The following PIWIL2 variants were observed in gnomAD, a reference collection of about 807,000 sequenced individuals.
PIWIL2 encodes piwi-like protein 2.
Under a neutral mutation model 116.5 loss-of-function variants are expected in PIWIL2, and 81 were observed. That is an observed-to-expected ratio of 0.70 (90% confidence interval 0.58 to 0.84). The LOEUF (loss-of-function observed/expected upper bound fraction) is 0.84, where lower values mean the gene tolerates loss of function less well. Among genes scored for constraint, PIWIL2 ranks in the 40% least tolerant of loss-of-function variants. The pLI is 0.00. For missense variants in PIWIL2, 1,272 were observed against 1,212.3 expected (o/e 1.05, Z -0.73); for synonymous variants, 489 against 429.5 (o/e 1.14, Z -1.71).
intron 1 of PIWIL2, chr8:22,275,753 C>G (rs1427610169): frequency 2.0e-5 from 3 of 152,392 alleles, no homozygotes; most frequent in African/African-American, 4.8e-5. Context: ...CTTCGGGGGC[C>G]TTGCTTCTGG....
At position 22,327,489 on chromosome 8, in the gene PIWIL2, T is replaced by C. The variant is rs536505265; in HGVS notation, c.2403+9214T>C. Among the ~76,000 whole-genome samples the C allele has an allele frequency of 4.0e-5, 6 of 150,794 alleles. No homozygotes were observed. The South Asian group carries it at 1.3e-3, about 32-fold the overall frequency. On this transcript the variant is annotated intron_variant, in intron 20 of 22. Transcript: ENST00000356766. ...TTGAAGCGATTCTCCTGCGTCAGCC[T>C]CCTGAGTAGCTGGGATTACAGGCAT... is the stretch of plus-strand genomic sequence containing the variant.
At chr8:22,352,313 T>C (rs1832391767) in intron 20 of PIWIL2, among the ~76,000 whole-genome samples, 1 of 152,246 alleles carries the variant, frequency 6.6e-6, no homozygotes, top group African/African-American at 2.4e-5. Flanking sequence ...GAAAAATTAT[T>C]CTTCAAATTG....
At chr8:22,349,790 G>A (rs1832314809) in intron 20 of PIWIL2, among the ~76,000 whole-genome samples, 1 of 152,194 alleles carries the variant, frequency 6.6e-6, no homozygotes, top group Non-Finnish European at 1.5e-5. Context: ...GCCCCAGGCT[G>A]GTAAATGGGC....
At chr8:22,286,567 A>T (rs1463818453) in intron 6 of PIWIL2, among the ~76,000 whole-genome samples, 1 of 152,042 alleles carries the variant, frequency 6.6e-6, no homozygotes, top group African/African-American at 2.4e-5. Context: ...GAGGAGGGAG[A>T]GTTGCTTGAG....
intron 10 of PIWIL2, among the ~76,000 whole-genome samples, chr8:22,300,431 A>C (rs1831018930): frequency 6.6e-6 from 1 of 152,144 alleles, no homozygotes; most frequent in South Asian, 2.1e-4. Flanking sequence ...GGTTCTTTCC[A>C]GCTTTTGGCT....
intron 6 of PIWIL2, among the ~76,000 whole-genome samples, chr8:22,285,797 A>G (rs779221325): frequency 6.6e-6 from 1 of 152,066 alleles, no homozygotes; most frequent in South Asian, 2.1e-4. Context: ...AAGCGCCCCC[A>G]TGCCTGGCTA....
chr8:22,356,035 T>G lies in PIWIL2; in HGVS notation c.*530T>G, dbSNP rs1248466225. ...TTGCAGTGAGCCGAGATCACGCCAC[T>G]GCACTCCAGCCTGTTGACAAAGCAA... On this transcript the variant is annotated 3_prime_UTR_variant, in exon 23 of 23. Coordinates refer to ENST00000356766, the MANE Select transcript of PIWIL2 (RefSeq NM_018068.5). 1 of 148,998 alleles carries G rather than the reference T, an allele frequency of 6.7e-6. No homozygotes were observed. The highest frequency in any genetic ancestry group is 1.5e-5 in the Non-Finnish European group (1 of 68,308). 9.2% of individuals were successfully genotyped at this position (148,998 alleles called of 1,614,324 possible).
At chr8:22,327,424 A>G (rs12542621) in intron 20 of PIWIL2, among the ~76,000 whole-genome samples, 64,362 of 147,376 alleles carry the variant, frequency 0.44, 15,704 homozygotes, top group East Asian at 0.81. Context: ...CTGGAGTGCA[A>G]TGGCGCGATC....
intron 11 of PIWIL2, 57 bp downstream of exon 11, chr8:22,304,266 T>A: frequency 9.0e-7 from 1 of 1,111,918 alleles, no homozygotes; most frequent in East Asian, 2.4e-5. Context: ...TAGTCCACGT[T>A]CTCCAGCAGA....
chr8:22,332,967 G>A lies in PIWIL2; in HGVS notation c.2403+14692G>A, dbSNP rs34677299. Among the ~76,000 whole-genome samples the A allele has an allele frequency of 5.2e-3, 798 of 152,210 alleles. 3 individuals are homozygous for A. Among genetic ancestry groups the A allele is most frequent in the Middle Eastern group, 0.01 (3 of 292 alleles). ...ATTCCATCTAAAACAAGAAAAAAAT[G>A]TCATGTGGCTATATATTTGTCTGTG... On this transcript the variant is annotated intron_variant, in intron 20 of 22. Coordinates refer to ENST00000356766, the MANE Select transcript of PIWIL2 (RefSeq NM_018068.5).
At chr8:22,287,453 G>T (rs188425271) in intron 6 of PIWIL2, 75 bp from the exon 7 acceptor site, 57 of 906,396 alleles carry the variant, frequency 6.3e-5, no homozygotes, top group African/African-American at 2.6e-4. Flanking sequence ...TGGGTAACTA[G>T]CACCTGTTGC....
chr8:22,335,716 TTTG>T (rs769033434), intron 20 of PIWIL2, among the ~76,000 whole-genome samples: 3 of 151,972 alleles, frequency 2.0e-5, no homozygotes, highest in South Asian at 2.1e-4. Context: ...CCCAGCTAAA[TTTG>T]TTGTTGTTGT....
rs1832471491 is a variant in PIWIL2 at position 22,355,577 on chromosome 8, A to G, written c.*72A>G. Reference sequence around the variant, plus strand: ...ACTCAGCTGTGACTCTTGCAGAATCAACAGAGACTGAAGTGGGCTTTTGTG... The same window carrying G: ...ACTCAGCTGTGACTCTTGCAGAATCGACAGAGACTGAAGTGGGCTTTTGTG... On this transcript the variant is annotated 3_prime_UTR_variant, in exon 23 of 23. Coordinates refer to ENST00000356766, the MANE Select transcript of PIWIL2 (RefSeq NM_018068.5). The G allele has an allele frequency of 7.3e-7, 1 of 1,370,342 alleles. No homozygotes were observed. Among genetic ancestry groups the G allele is most frequent in the Non-Finnish European group, 1.0e-6 (1 of 977,988 alleles). The allele number at this position is 1,370,342 out of a possible 1,614,324, so 84.9% of individuals were successfully genotyped here. A position where few individuals can be genotyped will look rare whatever the true frequency, so the allele number is the denominator to read the frequency against.
At chr8:22,349,378 C>G (rs1012331149) in intron 20 of PIWIL2, among the ~76,000 whole-genome samples, 18 of 147,230 alleles carry the variant, frequency 1.2e-4, no homozygotes, top group Admixed American at 6.8e-4. Flanking sequence ...TATCCTTGAT[C>G]TAGCTCGGTC....
intron 1 of PIWIL2, among the ~76,000 whole-genome samples, chr8:22,278,182 G>A (rs1482908087): frequency 1.3e-5 from 2 of 150,518 alleles, no homozygotes; most frequent in Admixed American, 6.6e-5. Context: ...AAAAAAGGGG[G>A]GGAGGAAAAG....
intron 20 of PIWIL2, among the ~76,000 whole-genome samples, chr8:22,336,967 A>G (rs1831994687): frequency 6.6e-6 from 1 of 152,212 alleles, no homozygotes; most frequent in South Asian, 2.1e-4. Context: ...GAATAATGTG[A>G]ACAACTATGT....
rs531202015 is a variant in PIWIL2, at chr8:22,315,287, C to G, written c.2208+142C>G. ...GCTCCCTGCCTCTTCAGCCCATTAT[C>G]TAAGAATGGGTTTTATGTTTGTTTG... On this transcript the variant is annotated intron_variant, in intron 18 of 22. Coordinates refer to ENST00000356766, the MANE Select transcript of PIWIL2 (RefSeq NM_018068.5). The G allele has an allele frequency of 1.0e-4, 59 of 588,044 alleles. No homozygotes were observed. The African/African-American group carries it at 1.0e-3, about 10-fold the overall frequency. 36.4% of individuals were successfully genotyped at this position (588,044 alleles called of 1,614,324 possible).
At chr8:22,316,360 GT>G in intron 19 of PIWIL2, 27 bp downstream of exon 19, 1 of 1,386,686 alleles carries the variant, frequency 7.2e-7, no homozygotes, top group Non-Finnish European at 1.0e-6. Context: ...GTGCCATCTT[GT>G]TTGATTATTT....
At chr8:22,350,815 C>T (rs1057421690) in intron 20 of PIWIL2, among the ~76,000 whole-genome samples, 3 of 152,052 alleles carry the variant, frequency 2.0e-5, no homozygotes, top group Non-Finnish European at 4.4e-5. Flanking sequence ...GCCTGGGCAA[C>T]ATAGTGAGAC....
Sources: allele counts gnomAD v4.1 joint callset (sites outside exome capture counted in the v4.1 genomes callset), GRCh38; gene constraint gnomAD v4.1.1; transcripts MANE v1.5; gene names NCBI Gene and HGNC (gene_info 2026-07-23, HGNC 2026-07-21).